The following ETFA variants were observed in gnomAD, a reference collection of about 807,000 sequenced individuals.
ETFA encodes the protein electron transfer flavoprotein subunit alpha.
ETFA carries 22 observed loss-of-function variants against 46.2 expected under a neutral mutation model. The observed-to-expected ratio is 0.48, with a 90% CI of 0.34 to 0.68. ETFA has a LOEUF of 0.68. ETFA is among the 30% of genes least tolerant of loss of function. The probability of loss-of-function intolerance (pLI) is 0.01; values close to 1 mark genes in which losing one functional copy is unlikely to be tolerated. For missense variants in ETFA, 345 were observed against 401.1 expected (o/e 0.86, Z 1.19); for synonymous variants, 131 against 139.9 (o/e 0.94, Z 0.45).
intron 9 of ETFA, among the ~76,000 whole-genome samples, chr15:76,232,462 C>G (rs1447628391): frequency 6.6e-6 from 1 of 152,174 alleles, no homozygotes; most frequent in Non-Finnish European, 1.5e-5. Context: ...AGTAAAGTCT[C>G]TCCTCAATAT....
intron 1 of ETFA, 142 bp downstream of exon 1, chr15:76,311,208 G>C (rs1335100073): frequency 1.0e-6 from 1 of 979,554 alleles, no homozygotes; most frequent in Non-Finnish European, 1.5e-6. Context: ...CAGAACTTTG[G>C]ACCCAAGTCC....
chr15:76,221,762 T>C (rs1400181363), intron 11 of ETFA, among the ~76,000 whole-genome samples: 7 of 152,176 alleles, frequency 4.6e-5, no homozygotes, highest in Non-Finnish European at 8.8e-5. Flanking sequence ...ATTTAACTAG[T>C]ATGTGGCCAA....
intron 4 of ETFA, among the ~76,000 whole-genome samples, chr15:76,289,828 T>G (rs2039741856): frequency 6.6e-6 from 1 of 152,224 alleles, no homozygotes; most frequent in Non-Finnish European, 1.5e-5. Context: ...TACTATTATG[T>G]GACCCTTATT....
At chr15:76,217,515 C>T in intron 11 of ETFA, 1 of 404,378 alleles carries the variant, frequency 2.5e-6, no homozygotes, top group African/African-American at 2.1e-5. Flanking sequence ...GGTCAGCAGA[C>T]ACAGTAAGAA....
intron 1 of ETFA, among the ~76,000 whole-genome samples, chr15:76,310,730 T>G (rs2039988730): frequency 6.6e-6 from 1 of 152,226 alleles, no homozygotes; most frequent in South Asian, 2.1e-4. Context: ...CTTTCAAAAC[T>G]GGCTAAAGCT....
At chr15:76,249,180 G>A (rs2039271992) in intron 9 of ETFA, among the ~76,000 whole-genome samples, 1 of 149,304 alleles carries the variant, frequency 6.7e-6, no homozygotes, top group Non-Finnish European at 1.5e-5. Context: ...CCAGGCTGGA[G>A]TGCAATGGCG....
Position 76,216,409 on chromosome 15 carries a change from A to T in ETFA, c.*150T>A. On this transcript the variant is annotated 3_prime_UTR_variant, in exon 12 of 12. Coordinates refer to ENST00000557943, the MANE Select transcript of ETFA (RefSeq NM_000126.4). ...AAAAGGAAACACAGCAATCCCATAA[A>T]CAAGCATTCTGGCATCTGTTAGAAA... 1.6e-6 allele frequency: 1 copy of T among 614,578 alleles called. No individual in the cohort carries two copies. Among genetic ancestry groups the T allele is most frequent in the Non-Finnish European group, 2.9e-6 (1 of 344,414 alleles). The allele number at this position is 614,578 out of a possible 1,614,324, so 38.1% of individuals were successfully genotyped here. A position where few individuals can be genotyped will look rare whatever the true frequency, so the allele number is the denominator to read the frequency against.
At chr15:76,280,656 G>C (rs2039638957) in intron 8 of ETFA, among the ~76,000 whole-genome samples, 1 of 152,140 alleles carries the variant, frequency 6.6e-6, no homozygotes, top group Non-Finnish European at 1.5e-5. Context: ...ATTTCATTCA[G>C]AGAAAGAGCA....
chr15:76,236,668 T>C (rs1384796683), intron 9 of ETFA, among the ~76,000 whole-genome samples: 1 of 152,172 alleles, frequency 6.6e-6, no homozygotes, highest in Non-Finnish European at 1.5e-5. Flanking sequence ...AAGATTAGCA[T>C]TAGAGGCAGC....
In ETFA at chr15:76,287,232, C is replaced by G. The variant is rs150090783; in HGVS notation, c.451+614G>C. On this transcript the variant is annotated intron_variant, in intron 5 of 11. Transcript: ENST00000557943. ...AGGCTGGAGTGCTGTGGCATGATCA[C>G]AACTCACCATAGCCTCGACCTTCTG... is the stretch of plus-strand genomic sequence containing the variant. Among the ~76,000 whole-genome samples the G allele has an allele frequency of 4.8e-3, 725 of 152,308 alleles. 4 individuals are homozygous for G. Among genetic ancestry groups the G allele is most frequent in the African/African-American group, 0.017 (707 of 41,566 alleles).
chr15:76,262,792 A>G (rs1296061016), intron 9 of ETFA, among the ~76,000 whole-genome samples: 1 of 152,046 alleles, frequency 6.6e-6, no homozygotes, highest in Non-Finnish European at 1.5e-5. Flanking sequence ...ATCATAATCA[A>G]ACTTCTAAAG....
intron 11 of ETFA, among the ~76,000 whole-genome samples, chr15:76,217,036 C>T (rs2038903998): frequency 6.6e-6 from 1 of 151,798 alleles, no homozygotes; most frequent in South Asian, 2.1e-4. Context: ...AGGCTAGTCT[C>T]GAACTCCTGG....
chr15:76,282,616 C>T (rs556405731), intron 8 of ETFA, among the ~76,000 whole-genome samples: 32 of 152,202 alleles, frequency 2.1e-4, no homozygotes, highest in African/African-American at 7.5e-4. Context: ...AATATAATGC[C>T]TTTATTCTGA....
intron 10 of ETFA, chr15:76,227,741 G>A (rs576308617): frequency 2.2e-6 from 1 of 445,752 alleles, no homozygotes; most frequent in South Asian, 1.6e-5. Flanking sequence ...AAAACAGCTG[G>A]TATTAAAAAA....
chr15:76,260,639 T>C lies in ETFA; in HGVS notation c.816+13773A>G, dbSNP rs987057940. The stretch of plus-strand genomic sequence containing the variant: ...CTTAAACCCAGGACAGTTTATAGGG[T>C]CCCAGGGGGCCTTCCAAAGGGCCCT... On this transcript the variant is annotated intron_variant, in intron 9 of 11. Coordinates refer to ENST00000557943, the MANE Select transcript of ETFA (RefSeq NM_000126.4). 13 of 1,540,748 alleles carry C rather than the reference T, an allele frequency of 8.4e-6. No individual in the cohort carries two copies. In the East Asian group the frequency reaches 2.3e-4, roughly 27 times the overall value.
intron 9 of ETFA, among the ~76,000 whole-genome samples, chr15:76,246,086 A>T (rs888901250): frequency 1.3e-5 from 2 of 152,226 alleles, no homozygotes; most frequent in Non-Finnish European, 2.9e-5. Flanking sequence ...TACTGTAAAA[A>T]TGGCTAATAC....
At chr15:76,269,449 C>T (rs1052290663) in intron 9 of ETFA, among the ~76,000 whole-genome samples, 4 of 152,180 alleles carry the variant, frequency 2.6e-5, no homozygotes, top group African/African-American at 7.2e-5. Context: ...ACAGCTGTAG[C>T]TCATTTGCTT....
chr15:76,256,792 CATT>C (rs2039349161), intron 9 of ETFA, among the ~76,000 whole-genome samples: 1 of 152,146 alleles, frequency 6.6e-6, no homozygotes, highest in African/African-American at 2.4e-5. Context: ...ATGTCATAGA[CATT>C]GTAACATCAT....
intron 9 of ETFA, chr15:76,260,768 C>T: frequency 6.2e-7 from 1 of 1,603,266 alleles, no homozygotes; most frequent in South Asian, 1.1e-5. Flanking sequence ...TCTGAAAGGG[C>T]ACCCAGTCAG....
Sources: allele counts gnomAD v4.1 joint callset (sites outside exome capture counted in the v4.1 genomes callset), GRCh38; gene constraint gnomAD v4.1.1; transcripts MANE v1.5; gene names NCBI Gene and HGNC (gene_info 2026-07-23, HGNC 2026-07-21).